ABCC1: variants seen among roughly 807,000 people sequenced by gnomAD.
ABCC1 encodes ATP binding cassette subfamily C member 1 (ABCC1 blood group).
Under a neutral mutation model 172.9 loss-of-function variants are expected in ABCC1, and 83 were observed. That is an observed-to-expected ratio of 0.48 (90% CI 0.40 to 0.58). The LOEUF is 0.58. Among genes scored for constraint, ABCC1 ranks in the 20% least tolerant of loss-of-function variants. The pLI, the probability that ABCC1 is intolerant of heterozygous loss-of-function variation, is 0.00. For synonymous variants in ABCC1, 937 were observed against 825.2 expected (o/e 1.14, Z -2.32); for missense variants, 1,817 against 2,002.7 (o/e 0.91, Z 1.77).
intron 1 of ABCC1, among the ~76,000 whole-genome samples, chr16:15,986,328 CAG>C (rs566366009): frequency 8.5e-4 from 129 of 152,246 alleles, no homozygotes; most frequent in African/African-American, 2.7e-3. Context: ...TCATCTAGGA[CAG>C]GGGTCCCCAA....
intron 17 of ABCC1, 108 bp downstream of exon 17, chr16:16,083,650 C>G (rs1465799324): frequency 2.8e-6 from 4 of 1,422,764 alleles, no homozygotes; most frequent in African/African-American, 2.8e-5. Context: ...GCTGACCCGG[C>G]AGGGCTCAGC....
chr16:16,102,322 G>T (rs1323087692), intron 19 of ABCC1, among the ~76,000 whole-genome samples: 1 of 152,232 alleles, frequency 6.6e-6, no homozygotes, highest in Non-Finnish European at 1.5e-5. Flanking sequence ...TGTTTTCTGG[G>T]CTGGGTTTTA....
At position 15,963,380 on chromosome 16, in the gene ABCC1, G is replaced by A. The variant is rs377415817; in HGVS notation, c.48+13581G>A. Among the ~76,000 whole-genome samples the A allele has an allele frequency of 4.6e-5, 7 of 152,322 alleles. No homozygotes were observed. The East Asian group carries it at 9.6e-4, about 21-fold the overall frequency. ...TCTACCATTCTGGGTTCTGGATGGT[G>A]GCCCTTTTCTCACAGCTCCATTAGG... On this transcript the variant is annotated intron_variant, in intron 1 of 30. Coordinates refer to ENST00000399410, the MANE Select transcript of ABCC1 (RefSeq NM_004996.4).
At chr16:16,072,876 TA>T (rs1299464333) in intron 14 of ABCC1, among the ~76,000 whole-genome samples, 1 of 151,374 alleles carries the variant, frequency 6.6e-6, no homozygotes, top group Non-Finnish European at 1.5e-5. Flanking sequence ...ACCCCGTCTC[TA>T]CTGAAAATAC....
At chr16:16,045,807 T>G (rs748260506) in intron 8 of ABCC1, 29 bp from the exon 9 acceptor site, 21 of 1,611,166 alleles carry the variant, frequency 1.3e-5, no homozygotes, top group Non-Finnish European at 1.7e-5. Flanking sequence ...TCACAAGTCA[T>G]TCCAGGCCCT....
At chr16:16,111,310 G>GTGGC (rs111263400) in intron 21 of ABCC1, 65 bp from the exon 22 acceptor site, 1 of 1,278,250 alleles carries the variant, frequency 7.8e-7, no homozygotes, top group African/African-American at 1.5e-5. Flanking sequence ...CCCCGACCTT[G>GTGGC]TGGGGCTGGG....
chr16:16,055,650 G>C lies in ABCC1; in HGVS notation c.1474-442G>C, dbSNP rs575003585. The stretch of plus-strand genomic sequence containing the variant: ...GTAGGGACTGAATCCCTTCTTTTCT[G>C]TACACCTGAAGGGTTTTTCTTGCCT... On this transcript the variant is annotated intron_variant, in intron 11 of 30. Transcript: ENST00000399410. Among the ~76,000 whole-genome samples, 5 of 152,158 alleles carry C rather than the reference G, an allele frequency of 3.3e-5. No individual in the cohort carries two copies. In the South Asian group the frequency reaches 1.0e-3, roughly 32 times the overall value.
intron 3 of ABCC1, among the ~76,000 whole-genome samples, chr16:16,012,198 T>G (rs1468569525): frequency 6.6e-6 from 1 of 152,176 alleles, no homozygotes; most frequent in Non-Finnish European, 1.5e-5. Context: ...GTAAATAAGG[T>G]AAGCAAAGTG....
intron 23 of ABCC1, among the ~76,000 whole-genome samples, chr16:16,117,434 A>G (rs2044940519): frequency 6.6e-6 from 1 of 152,168 alleles, no homozygotes; most frequent in Admixed American, 6.5e-5. Context: ...ACTACAATTC[A>G]AGATGAAATT....
At chr16:16,059,405 G>C (rs1401779324) in intron 12 of ABCC1, among the ~76,000 whole-genome samples, 2 of 152,184 alleles carry the variant, frequency 1.3e-5, no homozygotes, top group African/African-American at 2.4e-5. Flanking sequence ...AAATCGATGG[G>C]TGTGGCTGTG....
At chr16:16,012,540 G>A (rs75200721) in intron 3 of ABCC1, among the ~76,000 whole-genome samples, 1 of 139,366 alleles carries the variant, frequency 7.2e-6, no homozygotes, top group South Asian at 2.6e-4. Context: ...TTTCCATGTT[G>A]CCCAGGCTAG....
rs909091137 is a variant in ABCC1 at position 15,992,730 on chromosome 16, G to A, written c.49-15086G>A. ...ACCACTGTCTTAATATGTGAATTAG[G>A]CGATGCCATGACCCTGCTTAATGCA... is the stretch of plus-strand genomic sequence containing the variant. On this transcript the variant is annotated intron_variant, in intron 1 of 30. Coordinates refer to ENST00000399410, the MANE Select transcript of ABCC1 (RefSeq NM_004996.4). Among the ~76,000 whole-genome samples the A allele has an allele frequency of 8.5e-5, 13 of 152,158 alleles. No individual in the cohort carries two copies. The South Asian group carries it at 2.3e-3, about 27-fold the overall frequency.
At chr16:16,044,177 C>T (rs978754876) in intron 7 of ABCC1, among the ~76,000 whole-genome samples, 4 of 152,228 alleles carry the variant, frequency 2.6e-5, no homozygotes, top group African/African-American at 9.6e-5. Flanking sequence ...ATCCTCATTT[C>T]ACAGAGGAGG....
intron 12 of ABCC1, among the ~76,000 whole-genome samples, chr16:16,065,711 G>A (rs973657145): frequency 1.3e-5 from 2 of 152,104 alleles, no homozygotes; most frequent in Non-Finnish European, 2.9e-5. Context: ...GGGATTACAG[G>A]CATGAGCCAT....
intron 10 of ABCC1, among the ~76,000 whole-genome samples, chr16:16,049,404 T>A (rs1302202752): frequency 1.3e-5 from 2 of 152,180 alleles, no homozygotes; most frequent in African/African-American, 4.8e-5. Context: ...TTGACAGCCC[T>A]TCCATGTGGA....
At chr16:16,041,657 C>T (rs966012397) in intron 7 of ABCC1, among the ~76,000 whole-genome samples, 1 of 152,120 alleles carries the variant, frequency 6.6e-6, no homozygotes, top group Non-Finnish European at 1.5e-5. Flanking sequence ...TTTTGTTAAC[C>T]AGAGAAAGGA....
At chr16:16,068,357 C>T in intron 13 of ABCC1, 55 bp downstream of exon 13, 13 of 1,601,394 alleles carry the variant, frequency 8.1e-6, no homozygotes, top group East Asian at 2.2e-5. Flanking sequence ...TTCTAGGCCA[C>T]GAAAGCATGG....
chr16:16,105,832 T>C (rs2052067245), intron 20 of ABCC1, among the ~76,000 whole-genome samples: 1 of 150,100 alleles, frequency 6.7e-6, no homozygotes, highest in Non-Finnish European at 1.5e-5. Context: ...TGTGATCATC[T>C]CTGGGGGTCT....
chr16:15,989,842 A>G (rs899485477), intron 1 of ABCC1, among the ~76,000 whole-genome samples: 1 of 152,106 alleles, frequency 6.6e-6, no homozygotes, highest in Non-Finnish European at 1.5e-5. Flanking sequence ...AGTGCCTGGT[A>G]TGCAGTCCGT....
Sources: gnomAD v4.1 joint callset for allele counts (sites outside exome capture counted in the v4.1 genomes callset) on GRCh38, gnomAD v4.1.1 for gene constraint, MANE v1.5 for transcripts, NCBI Gene and HGNC (gene_info 2026-07-23, HGNC 2026-07-21) for gene names.